The following AVEN variants were observed in gnomAD, a reference collection of about 807,000 sequenced individuals.
AVEN encodes apoptosis and caspase activation inhibitor.
AVEN carries 41 observed loss-of-function variants against 38.1 expected under a neutral mutation model. That is an observed-to-expected ratio of 1.08 (90% CI 0.84 to 1.40). AVEN has a LOEUF of 1.40. Among genes scored for constraint, AVEN ranks in the 40% most tolerant of loss-of-function variants. AVEN has a pLI of 0.00. For missense variants in AVEN, 605 were observed against 438.8 expected, an observed-to-expected ratio of 1.38 and a Z score of -3.38; for synonymous variants, 206 against 171.8, an observed-to-expected ratio of 1.20 and a Z score of -1.56.
At chr15:33,858,020 G>T (rs1367600377), downstream of AVEN, 20 of 1,429,416 alleles carry the variant, frequency 1.4e-5, no homozygotes, top group South Asian at 1.4e-4. Flanking sequence ...GAGAACTGTA[G>T]AGTTAGTTAC....
intron 2 of AVEN, among the ~76,000 whole-genome samples, chr15:33,954,637 C>T (rs1191492573): frequency 6.8e-6 from 1 of 146,834 alleles, no homozygotes; most frequent in African/African-American, 2.5e-5. Flanking sequence ...GAACATCACA[C>T]CCCAGGGCCT....
Position 33,990,309 on chromosome 15 carries a change from G to A in AVEN, c.445+12723C>T, listed in dbSNP as rs1896666020. On this transcript the variant is annotated intron_variant, in intron 2 of 5. Coordinates refer to ENST00000306730, the MANE Select transcript of AVEN (RefSeq NM_020371.3). ...AGGCAGGAGAATCGCTAGAACCTGG[G>A]AGGCAGAGGCTGCAGTGAGCCGAGA... 2.0e-5 allele frequency among the ~76,000 whole-genome samples: 3 copies of A among 152,132 alleles called. No homozygotes were observed. The South Asian group carries it at 6.2e-4, about 32-fold the overall frequency.
Position 33,913,312 on chromosome 15 carries a change from A to G in AVEN, c.446-37317T>C, listed in dbSNP as rs187816709. Reference sequence around the variant, plus strand: ...AACCAAATGTTAAACTTTTAAACTAATTGGTATTAAAAGGAGTAGATATAT... The same window carrying G: ...AACCAAATGTTAAACTTTTAAACTAGTTGGTATTAAAAGGAGTAGATATAT... On this transcript the variant is annotated intron_variant, in intron 2 of 5. Coordinates refer to ENST00000306730, the MANE Select transcript of AVEN (RefSeq NM_020371.3). 2.0e-4 allele frequency among the ~76,000 whole-genome samples: 30 copies of G among 152,368 alleles called. No homozygotes were observed. The East Asian group carries it at 5.6e-3, about 28-fold the overall frequency.
chr15:33,861,349 G>A (rs116436844), downstream of AVEN, among the ~76,000 whole-genome samples: 974 of 152,170 alleles, frequency 6.4e-3, 8 homozygotes, highest in African/African-American at 0.023. Context: ...TGTGATAGAC[G>A]TGTGTTGTGG....
In AVEN at chr15:33,943,485, C is replaced by T. The variant is rs146528698; in HGVS notation, c.445+59547G>A. ...CAAACAAGGGAGATAGTGTATAATA[C>T]AGAGTTTCTGATATGCAAGATGAAC... On this transcript the variant is annotated intron_variant, in intron 2 of 5. Coordinates refer to ENST00000306730, the MANE Select transcript of AVEN (RefSeq NM_020371.3). Among the ~76,000 whole-genome samples the T allele has an allele frequency of 4.6e-3, 693 of 152,244 alleles. 6 individuals carry two copies. The highest frequency in any genetic ancestry group is 0.016 in the African/African-American group (668 of 41,536).
At chr15:33,859,744 A>G in intron 11 of AVEN, 2 of 1,599,856 alleles carry the variant, frequency 1.3e-6, no homozygotes, top group Non-Finnish European at 8.5e-7. Flanking sequence ...ATGATTGCCA[A>G]TTGTGTTGAG....
intron 2 of AVEN, among the ~76,000 whole-genome samples, chr15:33,877,712 A>T (rs1891304510): frequency 6.6e-6 from 1 of 152,200 alleles, no homozygotes; most frequent in South Asian, 2.1e-4. Flanking sequence ...GCATTGTCGG[A>T]GGCCGAGGCA....
At chr15:34,007,161 GAC>G (rs1320355574) in intron 1 of AVEN, 168 of 448,714 alleles carry the variant, frequency 3.7e-4, no homozygotes, top group Non-Finnish European at 4.6e-4. Flanking sequence ...CTTGTCCAAT[GAC>G]ACACACACAC....
chr15:33,940,548 CTTTTTT>C (rs573338724), intron 2 of AVEN, among the ~76,000 whole-genome samples: 1 of 146,158 alleles, frequency 6.8e-6, no homozygotes. Flanking sequence ...TGTGAAATTC[CTTTTTT>C]TTTTTGAGAC....
chr15:33,896,616 AT>A (rs1892244957), intron 2 of AVEN, among the ~76,000 whole-genome samples: 1 of 152,176 alleles, frequency 6.6e-6, no homozygotes, highest in Non-Finnish European at 1.5e-5. Context: ...TCTGTCAAAA[AT>A]TTAGCCACTA....
intron 4 of AVEN, among the ~76,000 whole-genome samples, chr15:33,868,334 T>C (rs192789225): frequency 6.6e-6 from 1 of 152,058 alleles, no homozygotes; most frequent in East Asian, 1.9e-4. Flanking sequence ...CCATCCTGGC[T>C]AACATGGTGA....
At chr15:34,003,720 A>G (rs555319556) in intron 1 of AVEN, among the ~76,000 whole-genome samples, 1 of 152,356 alleles carries the variant, frequency 6.6e-6, no homozygotes, top group South Asian at 2.1e-4. Context: ...ATAGTGAGGG[A>G]CAATGACTTG....
chr15:33,881,523 A>C (rs1891485140), intron 2 of AVEN, among the ~76,000 whole-genome samples: 1 of 152,192 alleles, frequency 6.6e-6, no homozygotes, highest in African/African-American at 2.4e-5. Flanking sequence ...TTAAGTAGTA[A>C]ACTTGGTAAA....
chr15:33,875,839 G>C, intron 3 of AVEN, 86 bp downstream of exon 3: 1 of 1,289,308 alleles, frequency 7.8e-7, no homozygotes, highest in Non-Finnish European at 1.1e-6. Flanking sequence ...TTTTCTACAT[G>C]AAGACTCTAT....
At chr15:34,061,393 T>G (rs2041785360) in intron 5 of AVEN, among the ~76,000 whole-genome samples, 2 of 14,068 alleles carry the variant, frequency 1.4e-4, no homozygotes, top group East Asian at 6.6e-3. Context: ...TAGCTCTAGA[T>G]GTACTGATAA....
chr15:33,942,475 G>C (rs1049104507), intron 2 of AVEN, among the ~76,000 whole-genome samples: 2 of 151,870 alleles, frequency 1.3e-5, no homozygotes, highest in African/African-American at 4.8e-5. Context: ...TTTTGAGATG[G>C]AGTCTCGCTC....
chr15:33,919,697 G>A (rs1405590554), intron 2 of AVEN, among the ~76,000 whole-genome samples: 2 of 152,202 alleles, frequency 1.3e-5, no homozygotes, highest in Admixed American at 6.5e-5. Flanking sequence ...GGCATTTTCT[G>A]TAGGGGATGC....
intron 2 of AVEN, among the ~76,000 whole-genome samples, chr15:33,907,167 G>C (rs940617065): frequency 2.0e-5 from 3 of 152,096 alleles, no homozygotes; most frequent in Non-Finnish European, 1.5e-5. Context: ...TCAAATATCA[G>C]CAGGATAGAC....
intron 2 of AVEN, among the ~76,000 whole-genome samples, chr15:33,943,885 T>TC (rs1409148216): frequency 2.0e-5 from 3 of 148,262 alleles, no homozygotes; most frequent in African/African-American, 7.5e-5. Flanking sequence ...TTTTCTTTAA[T>TC]CACAATTTAT....
Sources: gnomAD v4.1 joint callset for allele counts (sites outside exome capture counted in the v4.1 genomes callset) on GRCh38, gnomAD v4.1.1 for gene constraint, MANE v1.5 for transcripts, NCBI Gene and HGNC (gene_info 2026-07-23, HGNC 2026-07-21) for gene names.